The following PDE10A variants were observed in gnomAD, a reference collection of about 807,000 sequenced individuals.
PDE10A encodes cAMP and cAMP-inhibited cGMP 3',5'-cyclic phosphodiesterase 10A.
PDE10A carries 39 observed loss-of-function variants against 97.7 expected under a neutral mutation model. That is an observed-to-expected ratio of 0.40 (90% CI 0.31 to 0.52). The LOEUF (loss-of-function observed/expected upper bound fraction) is 0.52, where lower values mean the gene tolerates loss of function less well. Ranked by LOEUF, PDE10A falls within the 20% of genes least tolerant of loss-of-function variation. PDE10A has a pLI of 0.56. For missense variants in PDE10A, 731 were observed against 1,047.8 expected, an observed-to-expected ratio of 0.70 and a Z score of 4.17; for synonymous variants, 371 against 376.8, an observed-to-expected ratio of 0.98 and a Z score of 0.18.
chr6:165,968,584 G>T (rs897702948), intron 1 of PDE10A, among the ~76,000 whole-genome samples: 1 of 152,164 alleles, frequency 6.6e-6, no homozygotes, highest in African/African-American at 2.4e-5. Context: ...GACAGAGAGA[G>T]ATTTCATGTG....
At chr6:165,686,904 A>G (rs76240156) in intron 1 of PDE10A, among the ~76,000 whole-genome samples, 5,059 of 152,324 alleles carry the variant, frequency 0.033, 161 homozygotes, top group African/African-American at 0.076. Context: ...GCTATTATGT[A>G]CGCTTCGGTA....
Position 165,865,752 on chromosome 6 carries a change from T to TAA in PDE10A, c.-615+121775_-615+121776dup, listed in dbSNP as rs34523633. On this transcript the variant is annotated intron_variant, in intron 1 of 19. Coordinates refer to the PDE10A transcript ENST00000366882. ...ATAACTCAGACAAGAAAAAAAGGGA[T>TAA]AAAAAAAAGAAGAAAGTCTATGTGC... Among the ~76,000 whole-genome samples the TAA allele has an allele frequency of 9.9e-5, 15 of 151,598 alleles. No homozygotes were observed. The East Asian group carries it at 1.2e-3, about 12-fold the overall frequency.
chr6:165,855,226 G>A (rs1463487808), intron 1 of PDE10A, among the ~76,000 whole-genome samples: 2 of 148,072 alleles, frequency 1.4e-5, no homozygotes, highest in Admixed American at 6.8e-5. Flanking sequence ...CAGAAGGAAT[G>A]AACAGAGGCG....
chr6:165,359,625 T>C (rs1012269478), intron 18 of PDE10A, among the ~76,000 whole-genome samples: 7 of 152,170 alleles, frequency 4.6e-5, no homozygotes, highest in African/African-American at 4.8e-5. Context: ...GTCACTGATT[T>C]CCAGTCCTTC....
chr6:165,642,325 C>T (rs1404629281), intron 1 of PDE10A, among the ~76,000 whole-genome samples: 1 of 152,216 alleles, frequency 6.6e-6, no homozygotes, highest in Non-Finnish European at 1.5e-5. Flanking sequence ...TCAGGTCGGC[C>T]TTGGCCACGA....
chr6:165,952,221 C>T (rs961105020), intron 1 of PDE10A, among the ~76,000 whole-genome samples: 1 of 152,274 alleles, frequency 6.6e-6, no homozygotes, highest in African/African-American at 2.4e-5. Context: ...CCCATGGCCT[C>T]TGCCAGAAAC....
At chr6:165,793,780 T>C (rs1778726907) in intron 1 of PDE10A, among the ~76,000 whole-genome samples, 1 of 152,164 alleles carries the variant, frequency 6.6e-6, no homozygotes, top group Non-Finnish European at 1.5e-5. Flanking sequence ...TCAAAATGAA[T>C]ACAGACCATC....
In PDE10A at chr6:165,669,353, T is replaced by C. The variant is rs1041008481; in HGVS notation, c.-614-125785A>G. Among the ~76,000 whole-genome samples, 17 of 152,188 alleles carry C rather than the reference T, an allele frequency of 1.1e-4. 1 individual carries two copies. The highest frequency in any genetic ancestry group is 1.1e-3 in the Admixed American group (17 of 15,288). On this transcript the variant is annotated intron_variant, in intron 1 of 19. Coordinates refer to the PDE10A transcript ENST00000366882. The stretch of plus-strand genomic sequence containing the variant: ...AATCCCGTGGCCATATTCATTTTAT[T>C]TGGCTCAGAAATTGGGGTTTAATTA...
At chr6:165,687,459 C>G (rs1420880602) in intron 1 of PDE10A, among the ~76,000 whole-genome samples, 1 of 152,206 alleles carries the variant, frequency 6.6e-6, no homozygotes, top group Non-Finnish European at 1.5e-5. Context: ...TCTGAACTAT[C>G]ACCCCATCTA....
At chr6:165,927,525 A>G (rs1332601284) in intron 1 of PDE10A, among the ~76,000 whole-genome samples, 1 of 151,688 alleles carries the variant, frequency 6.6e-6, no homozygotes, top group African/African-American at 2.4e-5. Context: ...TTTGAAGAAT[A>G]TACGCAAAGG....
At chr6:165,856,681 G>A (rs945311320) in intron 1 of PDE10A, among the ~76,000 whole-genome samples, 3 of 152,116 alleles carry the variant, frequency 2.0e-5, no homozygotes, top group African/African-American at 4.8e-5. Context: ...TCTTTGGTTC[G>A]TGTTCCCCCT....
At chr6:165,458,092 T>G (rs78233262) in intron 3 of PDE10A, among the ~76,000 whole-genome samples, 15,898 of 152,256 alleles carry the variant, frequency 0.1, 1,008 homozygotes, top group Middle Eastern at 0.2. Flanking sequence ...AACTTCAATA[T>G]TGGAAAAATA....
intron 1 of PDE10A, among the ~76,000 whole-genome samples, chr6:165,798,895 A>T (rs1233275817): frequency 3.3e-5 from 5 of 152,148 alleles, no homozygotes; most frequent in Non-Finnish European, 7.3e-5. Flanking sequence ...TTTTGTAGAA[A>T]TGGGGTTTCA....
intron 1 of PDE10A, among the ~76,000 whole-genome samples, chr6:165,766,258 C>T (rs929304614): frequency 1.4e-4 from 22 of 152,206 alleles, no homozygotes; most frequent in African/African-American, 5.3e-4. Context: ...TATTGTAGGG[C>T]ATTTGCTCAC....
chr6:165,946,985 C>A (rs1179654879), intron 1 of PDE10A: 1 of 152,070 alleles, frequency 6.6e-6, no homozygotes, highest in Non-Finnish European at 1.5e-5. Context: ...AGTCCACGTT[C>A]AAATTTACTC....
At chr6:165,862,621 TAAGAGCAAGTGAGTCAAAG>T (rs1024483754) in intron 1 of PDE10A, among the ~76,000 whole-genome samples, 1 of 150,886 alleles carries the variant, frequency 6.6e-6, no homozygotes, top group African/African-American at 2.4e-5. Flanking sequence ...ACAGGTGCAC[TAAGAGCAAGTGAGTCAAAG>T]AACACTGAGT....
At chr6:165,943,441 G>A (rs577037260) in intron 1 of PDE10A, among the ~76,000 whole-genome samples, 10 of 152,180 alleles carry the variant, frequency 6.6e-5, no homozygotes, top group African/African-American at 1.7e-4. Context: ...ATGCAATTAC[G>A]GAGGCTAGCA....
In PDE10A at chr6:165,882,600, A is replaced by C. The variant is rs1160740918; in HGVS notation, c.-615+104929T>G. The stretch of plus-strand genomic sequence containing the variant: ...TGTAGACTCAACGGTGTTTTGCTGA[A>C]AACTGACGGCAACCTTCAAAAGCAT... On this transcript the variant is annotated intron_variant, in intron 1 of 19. Transcript: ENST00000366882. 2.6e-5 allele frequency among the ~76,000 whole-genome samples: 4 copies of C among 152,192 alleles called. No homozygotes were observed. The East Asian group carries it at 7.7e-4, about 29-fold the overall frequency.
chr6:165,949,518 T>C (rs1370881054), intron 1 of PDE10A: 1 of 150,172 alleles, frequency 6.7e-6, no homozygotes, highest in Non-Finnish European at 1.5e-5. Context: ...GCAGACCTTA[T>C]GAAGTGCCAC....
Sources: gnomAD v4.1 joint callset for allele counts (sites outside exome capture counted in the v4.1 genomes callset) on GRCh38, gnomAD v4.1.1 for gene constraint, MANE v1.5 for transcripts, NCBI Gene and HGNC (gene_info 2026-07-23, HGNC 2026-07-21) for gene names.